The following SETBP1 variants were observed in gnomAD, a reference collection of about 807,000 sequenced individuals.
SETBP1 encodes the protein SET-binding protein.
A neutral mutation model predicts 101.0 loss-of-function variants in SETBP1; 9 were observed. That is an observed-to-expected ratio of 0.09 (90% confidence interval 0.05 to 0.16). The LOEUF is 0.16. Ranked by LOEUF, SETBP1 falls within the 10% of genes least tolerant of loss-of-function variation. The pLI is 1.00. For synonymous variants in SETBP1, 818 were observed against 788.5 expected (o/e 1.04, Z -0.63); for missense variants, 1,858 against 2,033.8 (o/e 0.91, Z 1.66).
At chr18:44,826,870 T>C (rs1194656455) in intron 2 of SETBP1, among the ~76,000 whole-genome samples, 1 of 152,134 alleles carries the variant, frequency 6.6e-6, no homozygotes, top group African/African-American at 2.4e-5. Context: ...CAAACATTGG[T>C]TTGTTTAGCA....
chr18:44,952,686 C>T lies in SETBP1; in HGVS notation c.3346C>T (p.His1116Tyr). Reference protein sequence around the residue: ...AAKHKAKHGVHLQGPVSMGLG... With the variant: ...AAKHKAKHGVYLQGPVSMGLG... The stretch of plus-strand genomic sequence containing the variant: ...TAAGCATAAAGCCAAGCATGGAGTA[C>T]ACCTGCAGGGACCTGTTAGCATGGG... The change falls in exon 4 of 6, where the codon CAC becomes TAC. Residue 1116 changes from histidine to tyrosine, a missense_variant. His to Tyr is a moderately conservative substitution (Grantham distance 83). This residue lies in a region of SETBP1 where 417 missense variants were observed against 389.1 expected (regional missense o/e 1.07). Transcript: ENST00000649279. 4 of 1,614,136 alleles carry T rather than the reference C, an allele frequency of 2.5e-6. No homozygotes were observed. The highest frequency in any genetic ancestry group is 2.5e-6 in the Non-Finnish European group (3 of 1,180,032).
chr18:44,736,622 T>C (rs1365379852), intron 2 of SETBP1, among the ~76,000 whole-genome samples: 2 of 152,230 alleles, frequency 1.3e-5, no homozygotes, highest in South Asian at 2.1e-4. Context: ...TTTTTCATGC[T>C]CCTTTGAAAT....
At chr18:44,802,468 C>T (rs2071626965) in intron 2 of SETBP1, among the ~76,000 whole-genome samples, 1 of 152,154 alleles carries the variant, frequency 6.6e-6, no homozygotes, top group South Asian at 2.1e-4. Flanking sequence ...TGATCTCATT[C>T]AACTGGAATG....
chr18:44,900,303 A>C (rs1264607454), intron 3 of SETBP1, among the ~76,000 whole-genome samples: 1 of 152,198 alleles, frequency 6.6e-6, no homozygotes, highest in African/African-American at 2.4e-5. Context: ...GCATGGCCCA[A>C]GTTTGGGAAC....
At chr18:44,758,098 A>G (rs1030630114) in intron 2 of SETBP1, among the ~76,000 whole-genome samples, 1 of 152,084 alleles carries the variant, frequency 6.6e-6, no homozygotes, top group Non-Finnish European at 1.5e-5. Context: ...CGTCCCATCT[A>G]TTATCCGTGT....
At chr18:44,717,225 C>T (rs1457634405) in intron 2 of SETBP1, among the ~76,000 whole-genome samples, 1 of 152,220 alleles carries the variant, frequency 6.6e-6, no homozygotes, top group African/African-American at 2.4e-5. Context: ...TTTCTCACCT[C>T]TGACTCTGCC....
chr18:45,020,825 T>G (rs1444287877), intron 4 of SETBP1, among the ~76,000 whole-genome samples: 1 of 152,178 alleles, frequency 6.6e-6, no homozygotes, highest in Non-Finnish European at 1.5e-5. Flanking sequence ...AATCACTAGG[T>G]GTGCAAAACT....
At chr18:44,749,489 C>T in intron 2 of SETBP1, among the ~76,000 whole-genome samples, 1 of 152,032 alleles carries the variant, frequency 6.6e-6, no homozygotes, top group East Asian at 1.9e-4. Flanking sequence ...AAACCCAGAC[C>T]CTGGGAGATG....
chr18:45,052,752 T>C (rs1173216874), intron 5 of SETBP1, among the ~76,000 whole-genome samples: 1 of 152,202 alleles, frequency 6.6e-6, no homozygotes, highest in Non-Finnish European at 1.5e-5. Context: ...ATTTTGTAAA[T>C]TGACATCTTT....
At chr18:44,854,297 G>C (rs2072930038) in intron 2 of SETBP1, among the ~76,000 whole-genome samples, 1 of 152,158 alleles carries the variant, frequency 6.6e-6, no homozygotes, top group African/African-American at 2.4e-5. Context: ...CACTGGAATA[G>C]GTCCAGGTGT....
At chr18:44,744,453 A>G (rs988027826) in intron 2 of SETBP1, among the ~76,000 whole-genome samples, 10 of 152,234 alleles carry the variant, frequency 6.6e-5, no homozygotes, top group Admixed American at 5.9e-4. Context: ...TCAACACCCT[A>G]AGCCGCTGCC....
At chr18:44,916,252 C>A (rs1455956274) in intron 3 of SETBP1, among the ~76,000 whole-genome samples, 2 of 152,124 alleles carry the variant, frequency 1.3e-5, no homozygotes, top group African/African-American at 4.8e-5. Context: ...TAACTACTCT[C>A]TTTTTCTTTC....
chr18:44,717,963 T>C (rs2069503903), intron 2 of SETBP1, among the ~76,000 whole-genome samples: 1 of 152,198 alleles, frequency 6.6e-6, no homozygotes, highest in Non-Finnish European at 1.5e-5. Context: ...TCTTAAAATA[T>C]GTCATAGGTT....
In SETBP1 at chr18:45,038,579, C is replaced by T. The variant is rs750605713; in HGVS notation, c.4095C>T (p.Ala1365=). 1.2e-5 allele frequency: 19 copies of T among 1,614,172 alleles called. No individual in the cohort carries two copies. The highest frequency in any genetic ancestry group is 3.3e-4 in the Middle Eastern group (2 of 6,062). The change falls in exon 5 of 6, where the codon GCC becomes GCT. Residue 1365 remains alanine (A), a synonymous_variant. Coordinates refer to ENST00000649279, the MANE Select transcript of SETBP1 (RefSeq NM_015559.3). The part of the protein sequence containing the change: ...VPTMMTRKKP[A]AVDSVTIPPA... ...CCATGATGACCAGGAAGAAGCCAGC[C>T]GCAGTTGACAGTGTTACAATTCCAC... is the stretch of plus-strand genomic sequence containing the variant.
At chr18:44,965,568 A>T (rs1386081175) in intron 4 of SETBP1, among the ~76,000 whole-genome samples, 1 of 152,128 alleles carries the variant, frequency 6.6e-6, no homozygotes, top group African/African-American at 2.4e-5. Context: ...CTCAACCAGT[A>T]AGTCCACATC....
intron 2 of SETBP1, among the ~76,000 whole-genome samples, chr18:44,728,054 A>G (rs570057652): frequency 6.6e-6 from 1 of 152,240 alleles, no homozygotes; most frequent in Non-Finnish European, 1.5e-5. Context: ...AATGAAGGCT[A>G]TCTCAGGAAG....
At chr18:44,998,340 A>G (rs957800664) in intron 4 of SETBP1, among the ~76,000 whole-genome samples, 6 of 152,190 alleles carry the variant, frequency 3.9e-5, no homozygotes, top group African/African-American at 1.4e-4. Context: ...CTTGCCCCAT[A>G]CTTGACTCTG....
chr18:45,010,243 CA>C (rs1335480952), intron 4 of SETBP1, among the ~76,000 whole-genome samples: 1 of 152,192 alleles, frequency 6.6e-6, no homozygotes, highest in East Asian at 1.9e-4. Context: ...GACCCAAAAG[CA>C]TGTTGGTTAA....
chr18:44,680,420 C>T (rs936087851), upstream of SETBP1: 1 of 151,782 alleles, frequency 6.6e-6, no homozygotes, highest in Non-Finnish European at 1.5e-5. Flanking sequence ...CGACCTTGGC[C>T]CGGGAGCCCG....
Sources: allele counts gnomAD v4.1 joint callset (sites outside exome capture counted in the v4.1 genomes callset), GRCh38; gene constraint gnomAD v4.1.1; regional missense constraint gnomAD v4.1.1; transcripts MANE v1.5; gene names NCBI Gene and HGNC (gene_info 2026-07-23, HGNC 2026-07-21).